The following XBP1 variants were observed in gnomAD, a reference collection of about 807,000 sequenced individuals.
XBP1 encodes X-box-binding protein 1.
Under a neutral mutation model 34.6 loss-of-function variants are expected in XBP1, and 18 were observed. The observed-to-expected ratio is 0.52, with a 90% confidence interval of 0.36 to 0.77. XBP1 has a LOEUF of 0.77. XBP1 is among the 30% of genes least tolerant of loss of function. The pLI is 0.00. For synonymous variants in XBP1, 191 were observed against 193.4 expected (o/e 0.99, Z 0.11); for missense variants, 422 against 464.6 (o/e 0.91, Z 0.84).
At chr22:28,800,145 C>T in intron 1 of XBP1, 153 bp downstream of exon 1, 3 of 906,602 alleles carry the variant, frequency 3.3e-6, no homozygotes, top group Non-Finnish European at 5.1e-6. Flanking sequence ...CTTCCTGCCC[C>T]GCCCCGCGCC....
chr22:28,798,854 C>A, intron 2 of XBP1: 1 of 315,246 alleles, frequency 3.2e-6, no homozygotes, highest in Non-Finnish European at 6.0e-6. Flanking sequence ...CTGCTGGCTT[C>A]AAGTGATCTG....
rs1007699154 is a variant in XBP1, at chr22:28,796,363, A to T, written c.454-171T>A. 1.7e-5 allele frequency: 10 copies of T among 578,932 alleles called. No homozygotes were observed. The African/African-American group carries it at 1.8e-4, about 10-fold the overall frequency. 35.9% of individuals were successfully genotyped at this position (578,932 alleles called of 1,614,324 possible). ...TATTATTATTGAGAAGAGCAAGATA[A>T]GATATTTGCCAGTTCTGCTTGAATC... On this transcript the variant is annotated intron_variant, in intron 3 of 5. Transcript: ENST00000344347.
At chr22:28,796,664 C>G (rs1296626109) in intron 3 of XBP1, 2 of 173,142 alleles carry the variant, frequency 1.2e-5, no homozygotes, top group African/African-American at 4.8e-5. Context: ...CCTTCTCTTA[C>G]CACAGAGGTA....
At chr22:28,795,636 C>T (rs774480626) in exon 6 of XBP1, 12 of 1,610,230 alleles carry the variant, frequency 7.5e-6, no homozygotes, top group Non-Finnish European at 9.3e-6. Context: ...TCTGGGTAGA[C>T]CTCTGGGAGC....
chr22:28,798,768 C>CTTTTT (rs71196604), intron 2 of XBP1: 9 of 125,286 alleles, frequency 7.2e-5, no homozygotes, highest in East Asian at 7.0e-4. Flanking sequence ...CACGCTTGGC[C>CTTTTT]TTTTTTTTTT....
exon 1 of XBP1, chr22:28,800,373 G>A: frequency 6.5e-7 from 1 of 1,539,036 alleles, no homozygotes. Context: ...CCCCCCGCTC[G>A]CTGCCTCCGG....
intron 2 of XBP1, among the ~76,000 whole-genome samples, chr22:28,797,414 C>G (rs1430790994): frequency 6.6e-6 from 1 of 152,146 alleles, no homozygotes; most frequent in African/African-American, 2.4e-5. Context: ...AAGAATAACA[C>G]ACTGCTTCCA....
chr22:28,795,267 G>C, exon 6 of XBP1: 1 of 1,551,768 alleles, frequency 6.4e-7, no homozygotes, highest in Non-Finnish European at 8.7e-7. Flanking sequence ...TCACTGAATG[G>C]GGAAAGGGAA....
In XBP1 at chr22:28,798,302, C is replaced by CTTTTTTTTT. The variant is rs71316865; in HGVS notation, c.324+746_324+754dup. On this transcript the variant is annotated intron_variant, in intron 2 of 5. Coordinates refer to ENST00000344347, the Ensembl canonical transcript of XBP1. ...AACTCTCTGTCCTAACTTAGATTAACTTTTTTTTTTTTTTTGAGACAGGGT... is the reference window on the plus strand; with the variant it reads ...AACTCTCTGTCCTAACTTAGATTAACTTTTTTTTTTTTTTTTTTTTTTTTGAGACAGGGT... 9.7e-5 allele frequency among the ~76,000 whole-genome samples: 12 copies of CTTTTTTTTT among 123,388 alleles called. 1 individual carries two copies. The highest frequency in any genetic ancestry group is 2.0e-4 in the African/African-American group (6 of 30,238). 80.9% of individuals were successfully genotyped at this position (123,388 alleles called of 152,430 possible).
chr22:28,798,302 C>CTTTT (rs71316865), intron 2 of XBP1, among the ~76,000 whole-genome samples: 2 of 123,386 alleles, frequency 1.6e-5, no homozygotes, highest in Middle Eastern at 3.8e-3. Context: ...CTTAGATTAA[C>CTTTT]TTTTTTTTTT....
chr22:28,798,278 ACT>A (rs1382656520), intron 2 of XBP1, among the ~76,000 whole-genome samples: 4 of 147,712 alleles, frequency 2.7e-5, no homozygotes, highest in Non-Finnish European at 4.5e-5. Context: ...CACTTCACCA[ACT>A]CTCTGTCCTA....
intron 1 of XBP1, 140 bp downstream of exon 1, chr22:28,800,158 G>C: frequency 9.8e-7 from 1 of 1,018,966 alleles, no homozygotes; most frequent in South Asian, 1.5e-5. Flanking sequence ...CCCGCGCCAC[G>C]CTGGCACCGA....
intron 3 of XBP1, 25 bp downstream of exon 3, chr22:28,797,052 G>A: frequency 2.0e-5 from 32 of 1,594,872 alleles, no homozygotes; most frequent in Non-Finnish European, 2.6e-5. Flanking sequence ...CTCACATGAG[G>A]CACCAAATAA....
exon 1 of XBP1, chr22:28,800,311 TCTC>T (rs2031855292): frequency 1.3e-6 from 2 of 1,557,024 alleles, no homozygotes; most frequent in Non-Finnish European, 1.7e-6. Flanking sequence ...CTCAGCGCCT[TCTC>T]CTCGGGGCTC....
chr22:28,797,611 T>C (rs1483824700), intron 2 of XBP1, among the ~76,000 whole-genome samples: 1 of 151,924 alleles, frequency 6.6e-6, no homozygotes, highest in Non-Finnish European at 1.5e-5. Context: ...CAAACCCCCA[T>C]CTCTACTAAA....
At chr22:28,795,544 A>C (rs564308680) in exon 6 of XBP1, 1 of 1,614,132 alleles carries the variant, frequency 6.2e-7, no homozygotes, top group East Asian at 2.2e-5. Flanking sequence ...GGTCAAAACG[A>C]ATTAGTTCAT....
At chr22:28,798,950 G>A in intron 2 of XBP1, 107 bp downstream of exon 2, 3 of 844,342 alleles carry the variant, frequency 3.6e-6, no homozygotes. Flanking sequence ...ATATTCAATT[G>A]TATTCTAATA....
chr22:28,800,273 C>T, intron 1 of XBP1, 25 bp downstream of exon 1: 2 of 1,548,238 alleles, frequency 1.3e-6, no homozygotes, highest in Non-Finnish European at 1.7e-6. Context: ...TCAGATCTGG[C>T]CCCAGACCCC....
intron 3 of XBP1, chr22:28,796,473 A>G (rs1429981000): frequency 2.6e-5 from 7 of 274,064 alleles, no homozygotes; most frequent in South Asian, 2.1e-4. Context: ...TTGAGGACTT[A>G]AAAGTGGAAA....
Sources: allele counts gnomAD v4.1 joint callset (sites outside exome capture counted in the v4.1 genomes callset), GRCh38; gene constraint gnomAD v4.1.1; transcripts MANE v1.5; gene names NCBI Gene and HGNC (gene_info 2026-07-23, HGNC 2026-07-21).